Variants in SSH2 observed in about 807,000 individuals in gnomAD.
The protein encoded by SSH2 is protein phosphatase Slingshot homolog 2.
Under a neutral mutation model 135.2 loss-of-function variants are expected in SSH2, and 37 were observed. The ratio of observed to expected loss-of-function variants is 0.27; its 90% CI spans 0.21 to 0.36. SSH2 has a LOEUF of 0.36. SSH2 is among the 10% of genes least tolerant of loss of function. The pLI is 1.00. For synonymous variants in SSH2, 628 were observed against 646.2 expected, an observed-to-expected ratio of 0.97 and a Z score of 0.43; for missense variants, 1,408 against 1,765.3, an observed-to-expected ratio of 0.80 and a Z score of 3.63.
In SSH2 at chr17:29,781,473, CTTTTTTTTTTTTTT is replaced by C. The variant is rs541361010; in HGVS notation, c.188+12407_188+12420del. ...AGGACATGCCCTAATCCTGTGTTTT[CTTTTTTTTTTTTTT>C]TTTTTTTTTTGAGATGGAGTCTCAC... is the stretch of plus-strand genomic sequence containing the variant. On this transcript the variant is annotated intron_variant, in intron 3 of 15. Coordinates refer to ENST00000540801, the MANE Select transcript of SSH2 (RefSeq NM_001282129.2). Among the ~76,000 whole-genome samples the C allele has an allele frequency of 2.4e-3, 198 of 81,852 alleles. 2 individuals carry two copies. Among genetic ancestry groups the C allele is most frequent in the African/African-American group, 9.1e-3 (192 of 21,120 alleles). 53.7% of individuals were successfully genotyped at this position (81,852 alleles called of 152,430 possible).
intron 1 of SSH2, among the ~76,000 whole-genome samples, chr17:29,916,493 G>C (rs1235994731): frequency 6.8e-6 from 1 of 146,856 alleles, no homozygotes; most frequent in Non-Finnish European, 1.5e-5. Context: ...TTGAGACAGA[G>C]TCTTGCTCTG....
chr17:29,923,003 T>G (rs891786212), intron 1 of SSH2, among the ~76,000 whole-genome samples: 3 of 152,176 alleles, frequency 2.0e-5, no homozygotes, highest in Non-Finnish European at 4.4e-5. Context: ...CTCTGCCTCC[T>G]GGGTTCAAGC....
chr17:29,901,657 T>C (rs2066556678), intron 1 of SSH2, among the ~76,000 whole-genome samples: 1 of 152,136 alleles, frequency 6.6e-6, no homozygotes, highest in African/African-American at 2.4e-5. Flanking sequence ...ATCTTACTAA[T>C]ATGTCTCAGT....
chr17:29,763,588 G>A (rs1269343000), intron 3 of SSH2, among the ~76,000 whole-genome samples: 1 of 151,534 alleles, frequency 6.6e-6, no homozygotes, highest in African/African-American at 2.4e-5. Context: ...TTTTATTGAA[G>A]TCAACACTAA....
chr17:29,634,134 G>A (rs2035797039), intron 15 of SSH2, among the ~76,000 whole-genome samples: 1 of 152,234 alleles, frequency 6.6e-6, no homozygotes, highest in African/African-American at 2.4e-5. Flanking sequence ...TGCCTTCTCA[G>A]TAGAAAGGAA....
chr17:29,841,892 A>ATTTTTTTTTTTTTTTTTTTTTT (rs770836134), intron 2 of SSH2, among the ~76,000 whole-genome samples: 1 of 99,640 alleles, frequency 1.0e-5, no homozygotes, highest in African/African-American at 3.9e-5. Context: ...CCCTTGGCTA[A>ATTTTTTTTTTTTTTTTTTTTTT]TTTTTTTTTT....
In SSH2 at chr17:29,667,235, GA is replaced by G; in HGVS notation, c.810-13del. ...CACGTTCAGTAGGTCTGAGAAGAGA[GA>G]AATAACGATTATTCTTAAACGATAT... On this transcript the variant is annotated splice_polypyrimidine_tract_variant and intron_variant, in intron 9 of 15. Coordinates refer to ENST00000540801, the MANE Select transcript of SSH2 (RefSeq NM_001282129.2). The G allele has an allele frequency of 6.7e-7, 1 of 1,491,008 alleles. No homozygotes were observed. Among genetic ancestry groups the G allele is most frequent in the Non-Finnish European group, 9.3e-7 (1 of 1,079,612 alleles). 92.4% of individuals were successfully genotyped at this position (1,491,008 alleles called of 1,614,324 possible).
At chr17:29,899,049 T>C (rs1374626757) in intron 1 of SSH2, among the ~76,000 whole-genome samples, 2 of 152,188 alleles carry the variant, frequency 1.3e-5, no homozygotes, top group Non-Finnish European at 2.9e-5. Flanking sequence ...TCTCAATAGA[T>C]GCAGAAAAGG....
At chr17:29,760,636 G>T (rs1341194090) in intron 3 of SSH2, among the ~76,000 whole-genome samples, 3 of 151,918 alleles carry the variant, frequency 2.0e-5, no homozygotes, top group Non-Finnish European at 4.4e-5. Context: ...AGAAACTACC[G>T]AAATCTAGCC....
At chr17:29,903,015 G>A (rs866481881) in intron 1 of SSH2, among the ~76,000 whole-genome samples, 3 of 151,732 alleles carry the variant, frequency 2.0e-5, no homozygotes, top group African/African-American at 7.3e-5. Flanking sequence ...GTGAAACCCC[G>A]TCTCTACTAA....
Position 29,636,352 on chromosome 17 carries a change from T to A in SSH2, c.1878A>T (p.Thr626=). 1 of 1,614,232 alleles carries A rather than the reference T, an allele frequency of 6.2e-7. No homozygotes were observed. Among genetic ancestry groups the A allele is most frequent in the South Asian group, 1.1e-5 (1 of 91,090 alleles). The change falls in exon 15 of 16, where the codon ACA becomes ACT. Residue 626 remains threonine, a synonymous_variant. Coordinates refer to ENST00000540801, the MANE Select transcript of SSH2 (RefSeq NM_001282129.2). Reference sequence around the variant, plus strand: ...CATTCATGTCTGCTTTCAGTGCATCTGTCTCCAAATCTTCCACTGTTAAGT... The same window carrying A: ...CATTCATGTCTGCTTTCAGTGCATCAGTCTCCAAATCTTCCACTGTTAAGT... The part of the protein sequence containing the change: ...FPDLTVEDLE[T]DALKADMNVH...
intron 1 of SSH2, among the ~76,000 whole-genome samples, chr17:29,867,042 G>A (rs1315720527): frequency 2.0e-5 from 3 of 151,102 alleles, no homozygotes; most frequent in South Asian, 2.1e-4. Context: ...GGGTCTCCCT[G>A]TTGCCCAGGC....
Position 29,778,937 on chromosome 17 carries a change from A to C in SSH2, c.188+14957T>G, listed in dbSNP as rs755923593. Among the ~76,000 whole-genome samples, 7 of 151,582 alleles carry C rather than the reference A, an allele frequency of 4.6e-5. No homozygotes were observed. The Middle Eastern group carries it at 0.014, about 297-fold the overall frequency. ...TGAGTTTTTATTAGTCTGGGTTTTC[A>C]TAATATCCAGGAAAACAACTCTTCC... On this transcript the variant is annotated intron_variant, in intron 3 of 15. Transcript: ENST00000540801.
rs541506170 is a variant in SSH2 at position 29,791,233 on chromosome 17, C to G, written c.188+2661G>C. ...CCTGAGTAGCTGGACTACAGGCATG[C>G]ACCACCACACCCGGCTAATTTTTTG... On this transcript the variant is annotated intron_variant, in intron 3 of 15. Transcript: ENST00000540801. Among the ~76,000 whole-genome samples, 32 of 152,052 alleles carry G rather than the reference C, an allele frequency of 2.1e-4. No homozygotes were observed. The East Asian group carries it at 6.0e-3, about 29-fold the overall frequency.
chr17:29,792,065 G>A (rs2042077385), intron 3 of SSH2, among the ~76,000 whole-genome samples: 1 of 151,888 alleles, frequency 6.6e-6, no homozygotes, highest in Admixed American at 6.6e-5. Flanking sequence ...TGGGATTACA[G>A]GCATGCACCA....
chr17:29,672,184 A>G lies in SSH2; in HGVS notation c.615-55T>C, dbSNP rs185916117. ...TAGAACTGTGGGGTGCCAAAGGCCAATAACCTGTGTACTCCAAACTCTTCT... is the reference window on the plus strand; with the variant it reads ...TAGAACTGTGGGGTGCCAAAGGCCAGTAACCTGTGTACTCCAAACTCTTCT... On this transcript the variant is annotated intron_variant, in intron 8 of 15. Coordinates refer to ENST00000540801, the MANE Select transcript of SSH2 (RefSeq NM_001282129.2). 1.8e-5 allele frequency: 25 copies of G among 1,397,926 alleles called. No homozygotes were observed. In the Admixed American group the frequency reaches 3.8e-4, roughly 21 times the overall value. The allele number at this position is 1,397,926 out of a possible 1,614,324, so 86.6% of individuals were successfully genotyped here.
At chr17:29,807,832 CTTTTTT>C (rs58284055) in intron 2 of SSH2, among the ~76,000 whole-genome samples, 6 of 94,392 alleles carry the variant, frequency 6.4e-5, no homozygotes, top group Non-Finnish European at 1.0e-4. Flanking sequence ...GTTTTGATGG[CTTTTTT>C]TTTTTTTTTT....
intron 1 of SSH2, among the ~76,000 whole-genome samples, chr17:29,866,952 T>C (rs1355377069): frequency 1.3e-5 from 2 of 151,798 alleles, no homozygotes; most frequent in East Asian, 1.9e-4. Flanking sequence ...TCCATCTCAG[T>C]CTCCTGAGTA....
At chr17:29,653,579 G>A (rs1567846988) in intron 12 of SSH2, among the ~76,000 whole-genome samples, 1 of 151,938 alleles carries the variant, frequency 6.6e-6, no homozygotes, top group Non-Finnish European at 1.5e-5. Flanking sequence ...AGGTTTCCCA[G>A]AAGTACAGAT....
Sources: gnomAD v4.1 joint callset for allele counts (sites outside exome capture counted in the v4.1 genomes callset) on GRCh38, gnomAD v4.1.1 for gene constraint, MANE v1.5 for transcripts, NCBI Gene and HGNC (gene_info 2026-07-23, HGNC 2026-07-21) for gene names.